The following VAT1L variants were observed in gnomAD, a reference collection of about 807,000 sequenced individuals.
VAT1L encodes the protein putative NADPH-dependent quinone oxidoreductase VAT1L.
A neutral mutation model predicts 44.1 loss-of-function variants in VAT1L; 34 were observed. The ratio of observed to expected loss-of-function variants is 0.77; its 90% CI spans 0.59 to 1.03. The LOEUF is 1.03. Ranked by LOEUF, VAT1L falls within the 50% of genes least tolerant of loss-of-function variation. The probability of loss-of-function intolerance (pLI) is 0.00; values close to 1 mark genes in which losing one functional copy is unlikely to be tolerated. For synonymous variants in VAT1L, 253 were observed against 202.2 expected (o/e 1.25, Z -2.13); for missense variants, 615 against 538.8 (o/e 1.14, Z -1.40).
intron 4 of VAT1L, among the ~76,000 whole-genome samples, chr16:77,872,935 G>C (rs1329723536): frequency 6.6e-6 from 1 of 152,178 alleles, no homozygotes; most frequent in Non-Finnish European, 1.5e-5. Flanking sequence ...CTGAACTTGG[G>C]TCTTTCCTAT....
intron 2 of VAT1L, among the ~76,000 whole-genome samples, chr16:77,818,208 G>T (rs1441409808): frequency 6.6e-6 from 1 of 152,162 alleles, no homozygotes; most frequent in African/African-American, 2.4e-5. Context: ...AAATGCCCTT[G>T]AAATTGAATT....
At chr16:77,853,166 C>T (rs978098325) in intron 3 of VAT1L, among the ~76,000 whole-genome samples, 1 of 152,140 alleles carries the variant, frequency 6.6e-6, no homozygotes, top group Non-Finnish European at 1.5e-5. Context: ...TAGGAAAACC[C>T]GGTGCACCGT....
intron 7 of VAT1L, among the ~76,000 whole-genome samples, chr16:77,958,737 A>G (rs558471638): frequency 1.3e-5 from 2 of 152,222 alleles, no homozygotes; most frequent in Non-Finnish European, 2.9e-5. Flanking sequence ...GATCAGGAGA[A>G]CAACTACCAT....
chr16:77,813,791 C>A (rs1293759760), intron 1 of VAT1L, among the ~76,000 whole-genome samples: 1 of 152,170 alleles, frequency 6.6e-6, no homozygotes, highest in Non-Finnish European at 1.5e-5. Flanking sequence ...TGGACCAGCT[C>A]ATTTATTCAG....
intron 2 of VAT1L, among the ~76,000 whole-genome samples, chr16:77,822,954 T>A (rs1171123623): frequency 6.6e-6 from 1 of 152,056 alleles, no homozygotes; most frequent in East Asian, 1.9e-4. Flanking sequence ...CTTAGAACAT[T>A]GTTGATGCTG....
intron 7 of VAT1L, among the ~76,000 whole-genome samples, chr16:77,940,500 T>C (rs1196692547): frequency 5.9e-5 from 9 of 151,846 alleles, no homozygotes; most frequent in African/African-American, 2.2e-4. Context: ...CGTGCTACCA[T>C]GCCTGGGTAA....
At chr16:77,796,226 A>G (rs1319447048) in intron 1 of VAT1L, among the ~76,000 whole-genome samples, 1 of 152,240 alleles carries the variant, frequency 6.6e-6, no homozygotes, top group Non-Finnish European at 1.5e-5. Flanking sequence ...AACAGCAGCC[A>G]GATCTCAACT....
intron 7 of VAT1L, among the ~76,000 whole-genome samples, chr16:77,948,537 AAAATTTC>A (rs1402423094): frequency 6.6e-6 from 1 of 152,190 alleles, no homozygotes; most frequent in African/African-American, 2.4e-5. Context: ...AACTTTTTGG[AAAATTTC>A]AAACATATAA....
At chr16:77,820,008 T>A (rs1454264892) in intron 2 of VAT1L, among the ~76,000 whole-genome samples, 2 of 152,234 alleles carry the variant, frequency 1.3e-5, no homozygotes, top group African/African-American at 2.4e-5. Flanking sequence ...ATTTCAGAGC[T>A]GAGGAAACTG....
chr16:77,880,654 G>C (rs960306486), intron 6 of VAT1L, among the ~76,000 whole-genome samples: 16 of 128,068 alleles, frequency 1.2e-4, no homozygotes, highest in African/African-American at 4.4e-4. Context: ...ACCTGTGCAG[G>C]TTTTTTGCCC....
chr16:77,877,031 C>T (rs1342257533), intron 5 of VAT1L, among the ~76,000 whole-genome samples: 1 of 151,894 alleles, frequency 6.6e-6, no homozygotes, highest in Non-Finnish European at 1.5e-5. Context: ...AAGACAGAAG[C>T]CCTGGATAGA....
intron 6 of VAT1L, among the ~76,000 whole-genome samples, chr16:77,882,687 C>G (rs181324195): frequency 1.8e-4 from 28 of 152,356 alleles, no homozygotes; most frequent in African/African-American, 6.0e-4. Context: ...ACATTTGCAG[C>G]AAGCATTCAT....
intron 4 of VAT1L, among the ~76,000 whole-genome samples, chr16:77,865,965 C>G (rs2016969793): frequency 6.6e-6 from 1 of 152,190 alleles, no homozygotes; most frequent in Admixed American, 6.5e-5. Flanking sequence ...CTGGTGTCTG[C>G]TGATGTCAGA....
At chr16:77,832,793 C>T (rs892033912) in intron 3 of VAT1L, among the ~76,000 whole-genome samples, 1 of 152,188 alleles carries the variant, frequency 6.6e-6, no homozygotes, top group Non-Finnish European at 1.5e-5. Flanking sequence ...TGAGGCTTTT[C>T]CACACCATCT....
intron 7 of VAT1L, among the ~76,000 whole-genome samples, chr16:77,894,129 A>G (rs2017296804): frequency 1.3e-5 from 2 of 152,158 alleles, no homozygotes; most frequent in Admixed American, 1.3e-4. Flanking sequence ...TAGCGTCTCC[A>G]CTATGTTGGG....
intron 6 of VAT1L, among the ~76,000 whole-genome samples, chr16:77,882,858 T>A (rs1180925077): frequency 6.6e-6 from 1 of 152,216 alleles, no homozygotes. Context: ...TTAAGTTATT[T>A]AGTGATTTCC....
intron 3 of VAT1L, among the ~76,000 whole-genome samples, chr16:77,837,682 T>A (rs374665568): frequency 2.0e-5 from 3 of 152,224 alleles, no homozygotes; most frequent in East Asian, 3.9e-4. Flanking sequence ...CTGGTTTTCA[T>A]GCCAGCTTCT....
intron 7 of VAT1L, among the ~76,000 whole-genome samples, chr16:77,888,168 C>T (rs1375253022): frequency 6.6e-6 from 1 of 152,216 alleles, no homozygotes; most frequent in African/African-American, 2.4e-5. Context: ...GCACCTTGCA[C>T]AGCCACTGCA....
chr16:77,954,416 G>A (rs112569179), intron 7 of VAT1L, among the ~76,000 whole-genome samples: 2,150 of 152,254 alleles, frequency 0.014, 48 homozygotes, highest in African/African-American at 0.049. Context: ...CACAAGATCA[G>A]GAGTTCGAGA....
Sources: gnomAD v4.1 joint callset for allele counts (sites outside exome capture counted in the v4.1 genomes callset) on GRCh38, gnomAD v4.1.1 for gene constraint, MANE v1.5 for transcripts, NCBI Gene and HGNC (gene_info 2026-07-23, HGNC 2026-07-21) for gene names.